Variants in P4HA1 observed in about 807,000 individuals in gnomAD.
P4HA1 encodes the protein prolyl 4-hydroxylase subunit alpha-1.
Under a neutral mutation model 72.8 loss-of-function variants are expected in P4HA1, and 24 were observed. The ratio of observed to expected loss-of-function variants is 0.33; its 90% CI spans 0.24 to 0.46. The LOEUF is 0.46. Ranked by LOEUF, P4HA1 falls within the 20% of genes least tolerant of loss-of-function variation. The pLI, the probability that P4HA1 is intolerant of heterozygous loss-of-function variation, is 1.00. For synonymous variants in P4HA1, 201 were observed against 218.8 expected, an observed-to-expected ratio of 0.92 and a Z score of 0.72; for missense variants, 446 against 640.6, an observed-to-expected ratio of 0.70 and a Z score of 3.28.
intron 12 of P4HA1, among the ~76,000 whole-genome samples, chr10:73,011,629 CT>C (rs1276242758): frequency 6.6e-6 from 1 of 151,962 alleles, no homozygotes; most frequent in African/African-American, 2.4e-5. Flanking sequence ...AAATGGAAAC[CT>C]TTTAAATTAA....
chr10:73,070,207 G>C (rs914643296), intron 4 of P4HA1, among the ~76,000 whole-genome samples: 1 of 131,942 alleles, frequency 7.6e-6, no homozygotes, highest in African/African-American at 3.0e-5. Context: ...ACCCAGGCTG[G>C]AATGCAGCAG....
chr10:73,048,898 G>A (rs1034750209), intron 7 of P4HA1, among the ~76,000 whole-genome samples: 9 of 152,132 alleles, frequency 5.9e-5, no homozygotes, highest in African/African-American at 2.2e-4. Context: ...ACTTTGGGAG[G>A]CCGAGGCAGG....
At chr10:73,096,572 G>GC (rs905272725) in intron 1 of P4HA1, among the ~76,000 whole-genome samples, 194 bp downstream of exon 1, 1 of 152,208 alleles carries the variant, frequency 6.6e-6, no homozygotes, top group African/African-American at 2.4e-5. Flanking sequence ...AGGAGCGCGG[G>GC]CGCCGGGAGT....
intron 1 of P4HA1, among the ~76,000 whole-genome samples, chr10:73,081,805 C>G (rs570391948): frequency 6.6e-6 from 1 of 152,198 alleles, no homozygotes; most frequent in South Asian, 2.1e-4. Context: ...GAGGCGGAGG[C>G]TGGCGGATCA....
intron 13 of P4HA1, among the ~76,000 whole-genome samples, chr10:73,010,374 G>A (rs1051666096): frequency 2.0e-5 from 3 of 152,032 alleles, no homozygotes; most frequent in Non-Finnish European, 2.9e-5. Flanking sequence ...TTTAAGAACC[G>A]TTTTTGATCA....
chr10:73,074,182 C>T (rs1841636336), intron 2 of P4HA1, among the ~76,000 whole-genome samples: 1 of 151,840 alleles, frequency 6.6e-6, no homozygotes, highest in Non-Finnish European at 1.5e-5. Context: ...TTTACCTTAC[C>T]TTTGTTTTTG....
intron 5 of P4HA1, among the ~76,000 whole-genome samples, chr10:73,059,764 AAAT>A (rs1564631571): frequency 1.3e-5 from 2 of 149,592 alleles, no homozygotes; most frequent in African/African-American, 5.0e-5. Context: ...AATAAAATAA[AAAT>A]AAATAAAATA....
chr10:73,056,165 T>G (rs1311215040), intron 5 of P4HA1, among the ~76,000 whole-genome samples: 1 of 152,210 alleles, frequency 6.6e-6, no homozygotes, highest in Admixed American at 6.5e-5. Context: ...TATAAAAGAT[T>G]TTTGTGGCTG....
intron 5 of P4HA1, among the ~76,000 whole-genome samples, chr10:73,054,753 T>C (rs186125598): frequency 4.6e-5 from 7 of 152,340 alleles, no homozygotes; most frequent in Admixed American, 2.6e-4. Flanking sequence ...ACATCCTTGC[T>C]AATGCTTGTT....
intron 7 of P4HA1, among the ~76,000 whole-genome samples, chr10:73,048,411 C>T (rs981810503): frequency 1.3e-5 from 2 of 152,108 alleles, no homozygotes; most frequent in Non-Finnish European, 2.9e-5. Flanking sequence ...TTACAGGCCC[C>T]TGCCACCATG....
At chr10:73,016,265 T>C (rs1840005845) in intron 11 of P4HA1, among the ~76,000 whole-genome samples, 1 of 152,190 alleles carries the variant, frequency 6.6e-6, no homozygotes, top group Non-Finnish European at 1.5e-5. Context: ...AATCTTCCCT[T>C]ACCTCTTAGT....
chr10:73,018,046 C>T (rs544792230), intron 10 of P4HA1, among the ~76,000 whole-genome samples: 4 of 152,164 alleles, frequency 2.6e-5, no homozygotes, highest in Admixed American at 1.3e-4. Context: ...TGAAGGCCTA[C>T]TTGAAGGCCT....
At chr10:73,018,492 C>A (rs1272127470) in intron 10 of P4HA1, among the ~76,000 whole-genome samples, 1 of 152,142 alleles carries the variant, frequency 6.6e-6, no homozygotes, top group Non-Finnish European at 1.5e-5. Flanking sequence ...CTGCTCTCTG[C>A]CCCACAGGGC....
intron 1 of P4HA1, among the ~76,000 whole-genome samples, chr10:73,083,612 C>T (rs1841867662): frequency 6.6e-6 from 1 of 152,134 alleles, no homozygotes; most frequent in Admixed American, 6.5e-5. Context: ...CTCCTCCACC[C>T]CTTTTCTCTT....
At chr10:73,029,556 C>T (rs1840383250) in intron 10 of P4HA1, among the ~76,000 whole-genome samples, 2 of 149,060 alleles carry the variant, frequency 1.3e-5, no homozygotes, top group South Asian at 2.1e-4. Flanking sequence ...TATTTTTCTA[C>T]AGGAAAAGAC....
intron 10 of P4HA1, among the ~76,000 whole-genome samples, chr10:73,018,809 C>A (rs1054493223): frequency 6.6e-6 from 1 of 152,074 alleles, no homozygotes; most frequent in African/African-American, 2.4e-5. Context: ...CTCACAGCTA[C>A]AACCTGACAC....
At chr10:73,076,133 T>G (rs1272701817) in intron 1 of P4HA1, among the ~76,000 whole-genome samples, 1 of 150,180 alleles carries the variant, frequency 6.7e-6, no homozygotes, top group African/African-American at 2.5e-5. Context: ...GGAATGACTC[T>G]GTGAAAGTAC....
intron 1 of P4HA1, 89 bp from the exon 2 acceptor site, chr10:73,075,004 A>T (rs1415223055): frequency 3.4e-6 from 2 of 580,648 alleles, no homozygotes; most frequent in Non-Finnish European, 6.1e-6. Flanking sequence ...TGAAAAAGTA[A>T]AAGATTCCAA....
chr10:73,028,158 AAC>A (rs1045544243), intron 10 of P4HA1, among the ~76,000 whole-genome samples: 6 of 152,074 alleles, frequency 3.9e-5, no homozygotes, highest in Non-Finnish European at 8.8e-5. Context: ...GTGTTGGGTG[AAC>A]ACAGTTTTAT....
Sources: gnomAD v4.1 joint callset for allele counts (sites outside exome capture counted in the v4.1 genomes callset) on GRCh38, gnomAD v4.1.1 for gene constraint, MANE v1.5 for transcripts, NCBI Gene and HGNC (gene_info 2026-07-23, HGNC 2026-07-21) for gene names.